Variants in MACROD2 observed in about 807,000 individuals in gnomAD.
The protein encoded by MACROD2 is mono-ADP ribosylhydrolase 2.
A neutral mutation model predicts 70.4 loss-of-function variants in MACROD2; 36 were observed. The ratio of observed to expected loss-of-function variants is 0.51; its 90% CI spans 0.39 to 0.68. MACROD2 has a LOEUF of 0.68. MACROD2 is among the 30% of genes least tolerant of loss of function. The probability of loss-of-function intolerance (pLI) is 0.00; values close to 1 mark genes in which losing one functional copy is unlikely to be tolerated. For missense variants in MACROD2, 496 were observed against 538.4 expected (o/e 0.92, Z 0.78); for synonymous variants, 172 against 178.8 (o/e 0.96, Z 0.30).
At chr20:15,854,794 T>C (rs2064339035) in intron 8 of MACROD2, among the ~76,000 whole-genome samples, 1 of 152,184 alleles carries the variant, frequency 6.6e-6, no homozygotes. Flanking sequence ...TGAGTTACTC[T>C]GAGTACTGGG....
At chr20:14,438,263 G>T (rs1240104551) in intron 3 of MACROD2, among the ~76,000 whole-genome samples, 1 of 151,992 alleles carries the variant, frequency 6.6e-6, no homozygotes, top group Non-Finnish European at 1.5e-5. Context: ...CTTCTTTAAG[G>T]CAGAATAATA....
chr20:15,594,245 T>C (rs2048715946), intron 8 of MACROD2, among the ~76,000 whole-genome samples: 1 of 152,218 alleles, frequency 6.6e-6, no homozygotes, highest in Admixed American at 6.5e-5. Flanking sequence ...TTTTCTTTTT[T>C]CCCTTTACTT....
intron 3 of MACROD2, among the ~76,000 whole-genome samples, chr20:14,271,786 G>A (rs908995011): frequency 2.6e-5 from 4 of 152,176 alleles, no homozygotes; most frequent in Non-Finnish European, 5.9e-5. Flanking sequence ...AACCAATACA[G>A]AGAAGTGCTT....
intron 5 of MACROD2, among the ~76,000 whole-genome samples, chr20:14,789,279 G>A (rs2072417344): frequency 6.6e-6 from 1 of 151,444 alleles, no homozygotes; most frequent in African/African-American, 2.4e-5. Context: ...TAAACTAAAT[G>A]GTAATAAAAC....
rs184546928 is a variant in MACROD2 at position 14,454,846 on chromosome 20, G to A, written c.272-38633G>A. On this transcript the variant is annotated intron_variant, in intron 3 of 17. Coordinates refer to ENST00000684519, the MANE Select transcript of MACROD2 (RefSeq NM_001351661.2). ...CTGCTCACTGCAAGCTCCGCCTCCCGGGCTCACGCCATTCTCCTGCCTCAG... is the reference window on the plus strand; with the variant it reads ...CTGCTCACTGCAAGCTCCGCCTCCCAGGCTCACGCCATTCTCCTGCCTCAG... 1.1e-4 allele frequency among the ~76,000 whole-genome samples: 17 copies of A among 150,004 alleles called. No individual in the cohort carries two copies. In the East Asian group the frequency reaches 2.6e-3, roughly 23 times the overall value.
At chr20:15,659,193 G>A (rs2049779191) in intron 8 of MACROD2, among the ~76,000 whole-genome samples, 1 of 151,350 alleles carries the variant, frequency 6.6e-6, no homozygotes, top group Non-Finnish European at 1.5e-5. Context: ...TCAGGTCTTG[G>A]TTTGTAGGTA....
chr20:14,322,422 G>GC (rs2082672495), intron 3 of MACROD2, among the ~76,000 whole-genome samples: 1 of 63,072 alleles, frequency 1.6e-5, no homozygotes, highest in Non-Finnish European at 3.7e-5. Flanking sequence ...TTTTTTTTTT[G>GC]CTTTTTATAA....
chr20:15,075,284 GAAAAT>G (rs2075649392), intron 5 of MACROD2, among the ~76,000 whole-genome samples: 2 of 146,262 alleles, frequency 1.4e-5, no homozygotes, highest in Non-Finnish European at 3.1e-5. Context: ...TGATGTAATG[GAAAAT>G]AAAATACGAA....
intron 3 of MACROD2, among the ~76,000 whole-genome samples, chr20:14,300,311 T>C (rs1244312957): frequency 6.6e-6 from 1 of 152,240 alleles, no homozygotes; most frequent in East Asian, 1.9e-4. Flanking sequence ...ACAAGTATTA[T>C]TTCCATTTTA....
intron 3 of MACROD2, among the ~76,000 whole-genome samples, chr20:14,365,416 A>G (rs1414796958): frequency 2.0e-5 from 3 of 151,402 alleles, no homozygotes; most frequent in Admixed American, 6.6e-5. Flanking sequence ...TTATGTAATA[A>G]TGTTCATGTA....
rs144462478 is a variant in MACROD2, at chr20:14,347,511, A to G, written c.272-145968A>G. Among the ~76,000 whole-genome samples, 4 of 152,274 alleles carry G rather than the reference A, an allele frequency of 2.6e-5. No individual in the cohort carries two copies. The East Asian group carries it at 7.7e-4, about 29-fold the overall frequency. On this transcript the variant is annotated intron_variant, in intron 3 of 17. Coordinates refer to ENST00000684519, the MANE Select transcript of MACROD2 (RefSeq NM_001351661.2). ...CGAAAATATAGTAAAATCTGATTGTACAGGATGGTAAGGGTACACAAATAT... is the reference window on the plus strand; with the variant it reads ...CGAAAATATAGTAAAATCTGATTGTGCAGGATGGTAAGGGTACACAAATAT...
chr20:14,050,279 G>GA (rs1414735036), intron 2 of MACROD2, among the ~76,000 whole-genome samples: 2 of 152,050 alleles, frequency 1.3e-5, no homozygotes, highest in Non-Finnish European at 1.5e-5. Flanking sequence ...ACTCTATCAA[G>GA]AACTCATATG....
intron 3 of MACROD2, among the ~76,000 whole-genome samples, chr20:14,391,256 A>T (rs2083523368): frequency 6.6e-6 from 1 of 152,170 alleles, no homozygotes; most frequent in Admixed American, 6.5e-5. Context: ...GATAAAGAAA[A>T]TGTGGTATGT....
In MACROD2 at chr20:15,386,412, G is replaced by A. The variant is rs144160309; in HGVS notation, c.541-44993G>A. 3.0e-4 allele frequency among the ~76,000 whole-genome samples: 46 copies of A among 152,296 alleles called. 1 individual carries two copies. The highest frequency in any genetic ancestry group is 4.4e-5 in the Non-Finnish European group (3 of 68,016). ...CCCCTTCACTTTAAAGATAAAGAAA[G>A]TGAGACCCAGAGAAAGTAAGTTATC... is the stretch of plus-strand genomic sequence containing the variant. On this transcript the variant is annotated intron_variant, in intron 6 of 17. Coordinates refer to ENST00000684519, the MANE Select transcript of MACROD2 (RefSeq NM_001351661.2).
chr20:15,408,316 G>T (rs989838495), intron 6 of MACROD2, among the ~76,000 whole-genome samples: 1 of 152,186 alleles, frequency 6.6e-6, no homozygotes, highest in Admixed American at 6.5e-5. Context: ...GGTTCTGGCT[G>T]TGCAGAGTGG....
At chr20:15,956,771 C>A (rs2065982940) in intron 12 of MACROD2, among the ~76,000 whole-genome samples, 1 of 152,078 alleles carries the variant, frequency 6.6e-6, no homozygotes. Flanking sequence ...GCTAGCAAGC[C>A]CTTCCAGGGA....
At chr20:14,361,218 G>A (rs1010553012) in intron 3 of MACROD2, among the ~76,000 whole-genome samples, 1 of 152,130 alleles carries the variant, frequency 6.6e-6, no homozygotes, top group Non-Finnish European at 1.5e-5. Flanking sequence ...CTGCCTCCAG[G>A]AGGTAGTATT....
chr20:14,912,188 A>G (rs536154505), intron 5 of MACROD2, among the ~76,000 whole-genome samples: 1 of 152,276 alleles, frequency 6.6e-6, no homozygotes, highest in African/African-American at 2.4e-5. Flanking sequence ...AAGGAGGGAG[A>G]GTAGCAGCTT....
At chr20:14,138,028 A>C (rs2148703913) in intron 3 of MACROD2, among the ~76,000 whole-genome samples, 1 of 152,334 alleles carries the variant, frequency 6.6e-6, no homozygotes, top group South Asian at 2.1e-4. Context: ...TCATCAGGGA[A>C]ATGCAAATCA....
Sources: gnomAD v4.1 joint callset for allele counts (sites outside exome capture counted in the v4.1 genomes callset) on GRCh38, gnomAD v4.1.1 for gene constraint, MANE v1.5 for transcripts, NCBI Gene and HGNC (gene_info 2026-07-23, HGNC 2026-07-21) for gene names.